ANK3: variants seen among roughly 807,000 people sequenced by gnomAD.
ANK3 encodes the protein ankyrin-3.
ANK3 carries 57 observed loss-of-function variants against 370.9 expected under a neutral mutation model. That is an observed-to-expected ratio of 0.15 (90% CI 0.12 to 0.19). The LOEUF is 0.19. Among genes scored for constraint, ANK3 ranks in the 10% least tolerant of loss-of-function variants. ANK3 has a pLI of 1.00. For synonymous variants in ANK3, 1,929 were observed against 1,946.3 expected, an observed-to-expected ratio of 0.99 and a Z score of 0.23; for missense variants, 4,439 against 5,302.1, an observed-to-expected ratio of 0.84 and a Z score of 5.06.
At chr10:60,163,450 C>T (rs1166525381) in intron 23 of ANK3, among the ~76,000 whole-genome samples, 1 of 152,180 alleles carries the variant, frequency 6.6e-6, no homozygotes, top group Non-Finnish European at 1.5e-5. Flanking sequence ...TTCAACTTTG[C>T]AACTTGGCCC....
At chr10:60,065,978 CATT>C (rs2081567422) in intron 38 of ANK3, among the ~76,000 whole-genome samples, 1 of 151,696 alleles carries the variant, frequency 6.6e-6, no homozygotes, top group Admixed American at 6.6e-5. Flanking sequence ...GTATGTATAA[CATT>C]ATAAAACGTT....
intron 2 of ANK3, among the ~76,000 whole-genome samples, chr10:60,591,759 C>T (rs772305264): frequency 2.0e-5 from 3 of 152,082 alleles, no homozygotes; most frequent in Non-Finnish European, 4.4e-5. Context: ...AGAATGAGAT[C>T]CAGTCATTTG....
chr10:60,214,037 T>TA (rs1400988448), intron 8 of ANK3, among the ~76,000 whole-genome samples: 5 of 152,120 alleles, frequency 3.3e-5, no homozygotes, highest in Admixed American at 2.0e-4. Context: ...CCTCTAAGTG[T>TA]AAAAAACAAA....
intron 1 of ANK3, among the ~76,000 whole-genome samples, chr10:60,620,414 A>G (rs1483783234): frequency 2.0e-5 from 3 of 152,130 alleles, no homozygotes; most frequent in Non-Finnish European, 2.9e-5. Flanking sequence ...TCTAATCCTT[A>G]CCTAACAACC....
intron 2 of ANK3, among the ~76,000 whole-genome samples, chr10:60,402,545 T>C (rs2063372492): frequency 6.6e-6 from 1 of 152,226 alleles, no homozygotes; most frequent in African/African-American, 2.4e-5. Context: ...GAACTATATT[T>C]TTCCTCCCTA....
At chr10:60,032,056 C>T (rs79903029) in intron 43 of ANK3, among the ~76,000 whole-genome samples, 2,217 of 152,114 alleles carry the variant, frequency 0.015, 50 homozygotes, top group African/African-American at 0.051. Flanking sequence ...ATCTTGTAGG[C>T]ACCAGGCTTC....
At chr10:60,662,515 T>C (rs2078947668) in intron 1 of ANK3, among the ~76,000 whole-genome samples, 1 of 152,202 alleles carries the variant, frequency 6.6e-6, no homozygotes, top group South Asian at 2.1e-4. Flanking sequence ...CAATCTAACC[T>C]ACTGCTAAAT....
chr10:60,678,819 C>T (rs1162585560), intron 1 of ANK3, among the ~76,000 whole-genome samples: 1 of 152,116 alleles, frequency 6.6e-6, no homozygotes, highest in East Asian at 1.9e-4. Flanking sequence ...TGTTCAGAGG[C>T]TCAGAAGAAA....
At chr10:60,267,752 G>A (rs1236073934) in intron 5 of ANK3, among the ~76,000 whole-genome samples, 4 of 152,104 alleles carry the variant, frequency 2.6e-5, no homozygotes, top group South Asian at 2.1e-4. Context: ...TTAGTGATCC[G>A]TACATCACAG....
intron 42 of ANK3, among the ~76,000 whole-genome samples, chr10:60,049,180 GAT>G (rs1201348332): frequency 1.3e-5 from 2 of 152,152 alleles, no homozygotes; most frequent in African/African-American, 4.8e-5. Context: ...TCATATGAAA[GAT>G]ATCTCTCAAA....
At chr10:60,486,136 G>A (rs982962453) in intron 2 of ANK3, among the ~76,000 whole-genome samples, 2 of 152,094 alleles carry the variant, frequency 1.3e-5, no homozygotes, top group Non-Finnish European at 1.5e-5. Flanking sequence ...TTCTGAACAC[G>A]AATTCCCTGG....
chr10:60,333,393 T>C (rs1346796411), intron 1 of ANK3, among the ~76,000 whole-genome samples: 4 of 151,784 alleles, frequency 2.6e-5, no homozygotes, highest in Admixed American at 6.6e-5. Flanking sequence ...AGTGAGAACA[T>C]GCTGTGTTTG....
intron 2 of ANK3, among the ~76,000 whole-genome samples, chr10:60,545,458 C>T (rs1051337639): frequency 6.7e-6 from 1 of 149,838 alleles, no homozygotes; most frequent in African/African-American, 2.4e-5. Flanking sequence ...AAAAATAGTT[C>T]TACAAATACT....
intron 23 of ANK3, among the ~76,000 whole-genome samples, chr10:60,156,096 C>CAG (rs1253474431): frequency 6.6e-6 from 1 of 152,202 alleles, no homozygotes; most frequent in Non-Finnish European, 1.5e-5. Context: ...CTGACTAATA[C>CAG]AGAGGTGGTA....
intron 2 of ANK3, among the ~76,000 whole-genome samples, chr10:60,398,212 A>C (rs116680404): frequency 3.9e-5 from 6 of 152,210 alleles, no homozygotes; most frequent in Non-Finnish European, 8.8e-5. Flanking sequence ...GTGTCACCAA[A>C]TATACTCCTT....
rs541942122 is a variant in ANK3, at chr10:60,513,035, GAAAAATA to G, written c.96+102144_96+102150del. Among the ~76,000 whole-genome samples the G allele has an allele frequency of 3.9e-3, 595 of 152,212 alleles. 2 individuals carry two copies. Among genetic ancestry groups the G allele is most frequent in the African/African-American group, 0.014 (574 of 41,564 alleles). On this transcript the variant is annotated intron_variant, in intron 2 of 43. Transcript: ENST00000373827. ...AAAAACACAGCTGTGTCTCAATGAGGAAAAATAAAAAATTGACAGAAATCTGAATTTG... is the reference window on the plus strand; with the variant it reads ...AAAAACACAGCTGTGTCTCAATGAGGAAAAATTGACAGAAATCTGAATTTG...
At chr10:60,377,130 G>T (rs114602204) in intron 1 of ANK3, among the ~76,000 whole-genome samples, 1,542 of 152,300 alleles carry the variant, frequency 0.01, 20 homozygotes, top group African/African-American at 0.035. Flanking sequence ...TATTGAATCG[G>T]GGTGCAGTGG....
At chr10:60,114,377 A>G in intron 25 of ANK3, 46 bp from the exon 26 acceptor site, 1 of 1,068,710 alleles carries the variant, frequency 9.4e-7, no homozygotes, top group Admixed American at 1.9e-5. Flanking sequence ...AAACCATACA[A>G]GACTGATTTC....
intron 2 of ANK3, among the ~76,000 whole-genome samples, chr10:60,435,901 C>G (rs768805968): frequency 6.6e-6 from 1 of 152,070 alleles, no homozygotes; most frequent in African/African-American, 2.4e-5. Flanking sequence ...AGATCGAGAC[C>G]GCGGTGAAAC....
Sources: allele counts gnomAD v4.1 joint callset (sites outside exome capture counted in the v4.1 genomes callset), GRCh38; gene constraint gnomAD v4.1.1; transcripts MANE v1.5; gene names NCBI Gene and HGNC (gene_info 2026-07-23, HGNC 2026-07-21).